Variants in STAG1 observed in about 807,000 individuals in gnomAD.
STAG1 encodes the protein STAG1 cohesin complex component, also known as cohesin subunit SA-1.
Under a neutral mutation model 170.9 loss-of-function variants are expected in STAG1, and 26 were observed. That is an observed-to-expected ratio of 0.15 (90% confidence interval 0.11 to 0.21). STAG1 has a LOEUF of 0.21. Ranked by LOEUF, STAG1 falls within the 10% of genes least tolerant of loss-of-function variation. The probability of loss-of-function intolerance (pLI) is 1.00; values close to 1 mark genes in which losing one functional copy is unlikely to be tolerated. For missense variants in STAG1, 964 were observed against 1,509.5 expected (o/e 0.64, Z 5.99); for synonymous variants, 514 against 497.7 (o/e 1.03, Z -0.44).
At chr3:136,400,337 C>A (rs776183762) in intron 21 of STAG1, among the ~76,000 whole-genome samples, 4 of 151,920 alleles carry the variant, frequency 2.6e-5, no homozygotes, top group Non-Finnish European at 5.9e-5. Context: ...AAACAATTCT[C>A]CTACCTCAGC....
intron 1 of STAG1, among the ~76,000 whole-genome samples, chr3:136,690,731 A>G (rs1460284786): frequency 1.3e-5 from 2 of 152,116 alleles, no homozygotes; most frequent in Non-Finnish European, 2.9e-5. Flanking sequence ...GAGTCAGCAA[A>G]AGAATTTCAT....
At chr3:136,491,032 TA>T (rs1175066896) in intron 9 of STAG1, among the ~76,000 whole-genome samples, 1 of 152,202 alleles carries the variant, frequency 6.6e-6, no homozygotes, top group Admixed American at 6.5e-5. Context: ...CAGCACTCAT[TA>T]AGTTTTTTTA....
At chr3:136,675,253 G>T (rs1225098641) in intron 1 of STAG1, among the ~76,000 whole-genome samples, 1 of 152,180 alleles carries the variant, frequency 6.6e-6, no homozygotes, top group East Asian at 1.9e-4. Flanking sequence ...AAGATGTGAA[G>T]ACTGTTTTGG....
chr3:136,724,413 G>C (rs560159156), intron 1 of STAG1, among the ~76,000 whole-genome samples: 75 of 151,326 alleles, frequency 5.0e-4, no homozygotes, highest in Non-Finnish European at 3.5e-4. Context: ...CAGCATGCTC[G>C]TTAAGAGTCA....
intron 8 of STAG1, 120 bp downstream of exon 8, chr3:136,502,508 A>G (rs1349583253): frequency 9.1e-7 from 1 of 1,098,728 alleles, no homozygotes; most frequent in Non-Finnish European, 1.3e-6. Context: ...AAACCCTGAC[A>G]TCAAATAATC....
chr3:136,448,332 A>T (rs1166234207), intron 14 of STAG1, among the ~76,000 whole-genome samples: 2 of 152,174 alleles, frequency 1.3e-5, no homozygotes, highest in Non-Finnish European at 2.9e-5. Context: ...TTTATAAGGG[A>T]AAGAGATTTA....
At chr3:136,687,169 G>T (rs1001186610) in intron 1 of STAG1, among the ~76,000 whole-genome samples, 1 of 152,136 alleles carries the variant, frequency 6.6e-6, no homozygotes, top group African/African-American at 2.4e-5. Context: ...ACATTATGTT[G>T]TCCATGCATA....
chr3:136,365,160 A>C lies in STAG1; in HGVS notation c.2686-1693T>G, dbSNP rs747480238. 7.9e-5 allele frequency among the ~76,000 whole-genome samples: 12 copies of C among 152,186 alleles called. 1 individual carries two copies. The highest frequency in any genetic ancestry group is 1.6e-4 in the Non-Finnish European group (11 of 68,026). The stretch of plus-strand genomic sequence containing the variant: ...GTTCTGAATAAGACTCACTTTTTGG[A>C]ACCAATGAAGTATTGTTAAAGGATT... On this transcript the variant is annotated intron_variant, in intron 25 of 33. Coordinates refer to ENST00000383202, the MANE Select transcript of STAG1 (RefSeq NM_005862.3).
intron 29 of STAG1, among the ~76,000 whole-genome samples, chr3:136,344,408 T>G (rs1936129993): frequency 6.6e-6 from 1 of 152,098 alleles, no homozygotes; most frequent in Non-Finnish European, 1.5e-5. Context: ...CTGGGCCTCG[T>G]AGGGGTCCCA....
At chr3:136,508,064 A>G (rs960309873) in intron 7 of STAG1, among the ~76,000 whole-genome samples, 1 of 152,188 alleles carries the variant, frequency 6.6e-6, no homozygotes, top group African/African-American at 2.4e-5. Context: ...GTGAATATAA[A>G]TAATTCTGAG....
intron 4 of STAG1, among the ~76,000 whole-genome samples, chr3:136,588,795 G>A (rs1180181216): frequency 6.6e-6 from 1 of 151,466 alleles, no homozygotes; most frequent in Non-Finnish European, 1.5e-5. Context: ...TGGGAGTCTC[G>A]CTCTGTCACC....
At chr3:136,617,901 A>G (rs1170439787) in intron 3 of STAG1, among the ~76,000 whole-genome samples, 2 of 152,236 alleles carry the variant, frequency 1.3e-5, no homozygotes, top group African/African-American at 2.4e-5. Flanking sequence ...AAACTACCAA[A>G]TAATTTTAAA....
At chr3:136,630,312 C>G (rs894707880) in intron 2 of STAG1, among the ~76,000 whole-genome samples, 100 of 151,454 alleles carry the variant, frequency 6.6e-4, no homozygotes, top group Non-Finnish European at 1.4e-3. Flanking sequence ...CTTCTGGTAG[C>G]CGGAACACCT....
intron 1 of STAG1, among the ~76,000 whole-genome samples, chr3:136,727,376 T>TA (rs1559975865): frequency 6.6e-6 from 1 of 152,126 alleles, no homozygotes; most frequent in African/African-American, 2.4e-5. Context: ...CCCTCATCTG[T>TA]AAAAACATCT....
chr3:136,679,345 C>T (rs906249615), intron 1 of STAG1, among the ~76,000 whole-genome samples: 1 of 152,048 alleles, frequency 6.6e-6, no homozygotes, highest in African/African-American at 2.4e-5. Flanking sequence ...TTTGGGAGGC[C>T]GAGGCGGATG....
chr3:136,573,439 T>C (rs971568334), intron 4 of STAG1, among the ~76,000 whole-genome samples: 3 of 151,994 alleles, frequency 2.0e-5, no homozygotes, highest in Non-Finnish European at 4.4e-5. Flanking sequence ...GGTACACACA[T>C]AGGGAAGCAA....
rs1273500199 is a variant in STAG1 at position 136,558,828 on chromosome 3, TAA to T, written c.394+9935_394+9936del. On this transcript the variant is annotated intron_variant, in intron 5 of 33. Transcript: ENST00000383202. Reference sequence around the variant, plus strand: ...AATATGTGCAAAAGATAGCTTTTAGTAACCACTGTCTACATTACCCAAAAATT... The same window carrying T: ...AATATGTGCAAAAGATAGCTTTTAGTCCACTGTCTACATTACCCAAAAATT... Among the ~76,000 whole-genome samples the T allele has an allele frequency of 2.8e-4, 43 of 152,344 alleles. 1 individual carries two copies. The highest frequency in any genetic ancestry group is 1.0e-3 in the African/African-American group (42 of 41,584).
At chr3:136,430,210 G>A (rs931842792) in intron 16 of STAG1, 1 of 152,180 alleles carries the variant, frequency 6.6e-6, no homozygotes, top group Admixed American at 6.5e-5. Context: ...GTGCAGGTCA[G>A]TGCCACTAAC....
chr3:136,378,491 T>TG (rs1027427169), intron 22 of STAG1, among the ~76,000 whole-genome samples: 1 of 152,134 alleles, frequency 6.6e-6, no homozygotes, highest in Admixed American at 6.5e-5. Flanking sequence ...ATCCAAGAGT[T>TG]GGAGACCAGC....
Sources: gnomAD v4.1 joint callset for allele counts (sites outside exome capture counted in the v4.1 genomes callset) on GRCh38, gnomAD v4.1.1 for gene constraint, MANE v1.5 for transcripts, NCBI Gene and HGNC (gene_info 2026-07-23, HGNC 2026-07-21) for gene names.